Variants in VPS13B observed in about 807,000 individuals in gnomAD.
VPS13B encodes vacuolar protein sorting 13 homolog B, also known as intermembrane lipid transfer protein VPS13B.
Under a neutral mutation model 426.4 loss-of-function variants are expected in VPS13B, and 285 were observed. The ratio of observed to expected loss-of-function variants is 0.67; its 90% CI spans 0.61 to 0.74. VPS13B has a LOEUF of 0.74. Among genes scored for constraint, VPS13B ranks in the 30% least tolerant of loss-of-function variants. VPS13B has a pLI of 0.00. For missense variants in VPS13B, 4,537 were observed against 4,782.6 expected (o/e 0.95, Z 1.51); for synonymous variants, 1,676 against 1,676.4 (o/e 1.00, Z 0.01).
chr8:99,384,309 A>G lies in VPS13B; in HGVS notation c.2926A>G (p.Met976Val), dbSNP rs1813997434. Residue 976 changes from methionine (M) to valine (V), a missense_variant, in exon 20 of 62, where the codon ATG becomes GTG. Around this residue, in one of 2 missense-constraint regions of VPS13B, gnomAD observed 4,311 missense variants for 4,474.3 expected, o/e 0.96. Coordinates refer to ENST00000357162, the MANE Select transcript of VPS13B (RefSeq NM_152564.5). Reference sequence around the variant, plus strand: ...GCCTCAGAAACGAACAAGTAGACATATGCAACAGGTAAGAGATTTTTAAAT... The same window carrying G: ...GCCTCAGAAACGAACAAGTAGACATGTGCAACAGGTAAGAGATTTTTAAAT... The part of the protein sequence containing the change: ...YQPQKRTSRH[M>V]QQQPVVAVPL... The G allele has an allele frequency of 6.2e-7, 1 of 1,612,346 alleles. No homozygotes were observed. The highest frequency in any genetic ancestry group is 8.5e-7 in the Non-Finnish European group (1 of 1,178,664).
intron 12 of VPS13B, among the ~76,000 whole-genome samples, chr8:99,140,389 A>C (rs1302424779): frequency 1.3e-5 from 2 of 151,524 alleles, no homozygotes; most frequent in Non-Finnish European, 2.9e-5. Flanking sequence ...AAAAAAAAAA[A>C]AGGAAGTAAA....
chr8:99,445,496 A>G (rs1817870496), intron 23 of VPS13B, among the ~76,000 whole-genome samples: 2 of 149,288 alleles, frequency 1.3e-5, no homozygotes, highest in Admixed American at 6.7e-5. Flanking sequence ...TATATAATAC[A>G]TGATATATAA....
intron 19 of VPS13B, among the ~76,000 whole-genome samples, chr8:99,339,818 C>G (rs1478967320): frequency 1.3e-5 from 2 of 152,152 alleles, no homozygotes; most frequent in Non-Finnish European, 1.5e-5. Flanking sequence ...CCAATTCTCT[C>G]TATAATACTT....
At position 99,467,581 on chromosome 8, in the gene VPS13B, G is replaced by A. The variant is rs776689013; in HGVS notation, c.3613G>A (p.Val1205Ile). The A allele has an allele frequency of 1.9e-6, 3 of 1,613,726 alleles. No homozygotes were observed. In the South Asian group the frequency reaches 3.3e-5, roughly 18 times the overall value. The change falls in exon 24 of 62, where the codon GTC becomes ATC. Residue 1205 changes from valine (V) to isoleucine (I), a missense_variant. Transcript: ENST00000357162. Reference protein sequence around the residue: ...TGPDTRHSFVVCLHVDLESLE... With the variant: ...TGPDTRHSFVICLHVDLESLE... The stretch of plus-strand genomic sequence containing the variant: ...ACCTGATACACGACATTCATTTGTT[G>A]TCTGTCTCCATGTTGACCTAGAGTC...
intron 16 of VPS13B, among the ~76,000 whole-genome samples, chr8:99,186,429 G>T (rs890720771): frequency 6.6e-6 from 1 of 151,920 alleles, no homozygotes; most frequent in Non-Finnish European, 1.5e-5. Context: ...AATTTTTTGA[G>T]GTGAATATGG....
intron 44 of VPS13B, among the ~76,000 whole-genome samples, chr8:99,813,605 T>C (rs1193711469): frequency 1.3e-5 from 2 of 152,230 alleles, no homozygotes; most frequent in Non-Finnish European, 2.9e-5. Flanking sequence ...ACTTTTATGG[T>C]TTGTTATTGT....
intron 20 of VPS13B, among the ~76,000 whole-genome samples, chr8:99,390,831 A>G (rs762252314): frequency 8.5e-5 from 13 of 152,208 alleles, no homozygotes; most frequent in African/African-American, 1.2e-4. Flanking sequence ...TAATATGACA[A>G]AATTGTATTG....
At chr8:99,848,736 T>C (rs1194998380) in intron 54 of VPS13B, 40 bp from the exon 55 acceptor site, 48 of 1,592,480 alleles carry the variant, frequency 3.0e-5, no homozygotes, top group Non-Finnish European at 4.0e-5. Context: ...ATAGTGTTTC[T>C]TATTTCTTTT....
intron 3 of VPS13B, among the ~76,000 whole-genome samples, chr8:99,071,518 G>A (rs745948968): frequency 1.3e-5 from 2 of 152,156 alleles, no homozygotes; most frequent in African/African-American, 4.8e-5. Context: ...CGTTGGGTCA[G>A]ACCTGAAGCC....
At chr8:99,519,438 C>T (rs1174296512) in intron 29 of VPS13B, among the ~76,000 whole-genome samples, 4 of 152,112 alleles carry the variant, frequency 2.6e-5, no homozygotes, top group South Asian at 2.1e-4. Flanking sequence ...TTGACCCAGC[C>T]GTCCCATTAC....
intron 61 of VPS13B, among the ~76,000 whole-genome samples, chr8:99,872,861 G>A (rs1411188294): frequency 6.6e-6 from 1 of 152,198 alleles, no homozygotes; most frequent in Non-Finnish European, 1.5e-5. Context: ...CTGAGAAGAT[G>A]GAAAGCAGCC....
chr8:99,017,226 A>G (rs1474939225), intron 2 of VPS13B, among the ~76,000 whole-genome samples: 2 of 152,100 alleles, frequency 1.3e-5, no homozygotes. Context: ...CAGTTGATCT[A>G]TACCATTTGT....
chr8:99,675,866 A>G (rs748879763), intron 35 of VPS13B, among the ~76,000 whole-genome samples: 1 of 151,878 alleles, frequency 6.6e-6, no homozygotes, highest in African/African-American at 2.4e-5. Context: ...TGAATTGTTT[A>G]TCTGTTTTCC....
chr8:99,307,109 C>T (rs1404331156), intron 19 of VPS13B, among the ~76,000 whole-genome samples: 2 of 152,040 alleles, frequency 1.3e-5, no homozygotes, highest in Non-Finnish European at 2.9e-5. Flanking sequence ...GTTTGGTTAA[C>T]ATTAAAGAGC....
At position 99,642,220 on chromosome 8, in the gene VPS13B, G is replaced by A; in HGVS notation, c.5630G>A (p.Arg1877Lys). The change falls in exon 34 of 62, where the codon AGG becomes AAG. Residue 1877 changes from arginine (R) to lysine (K), a missense_variant. This residue lies in a region of VPS13B where 4,311 missense variants were observed against 4,474.3 expected (regional missense o/e 0.96). Coordinates refer to ENST00000357162, the MANE Select transcript of VPS13B (RefSeq NM_152564.5). ...ISTVTAEDLL[R>K]SSISFPSGKK... ...ACGGTGACAGCAGAAGATCTCTTAAGGAGCAGCATTTCTTTTCCTTCAGGG... is the reference window on the plus strand; with the variant it reads ...ACGGTGACAGCAGAAGATCTCTTAAAGAGCAGCATTTCTTTTCCTTCAGGG... 6.2e-7 allele frequency: 1 copy of A among 1,614,162 alleles called. No homozygotes were observed. Among genetic ancestry groups the A allele is most frequent in the African/African-American group, 1.3e-5 (1 of 75,050 alleles).
At chr8:99,150,774 C>T (rs966051270) in intron 14 of VPS13B, among the ~76,000 whole-genome samples, 1 of 152,186 alleles carries the variant, frequency 6.6e-6, no homozygotes, top group Non-Finnish European at 1.5e-5. Flanking sequence ...ATTTACTTAT[C>T]CATTCACCTA....
In VPS13B at chr8:99,143,020, G is replaced by A. The variant is rs1200642903; in HGVS notation, c.1698G>A (p.Leu566=). The A allele has an allele frequency of 6.2e-7, 1 of 1,613,574 alleles. No homozygotes were observed. The highest frequency in any genetic ancestry group is 8.5e-7 in the Non-Finnish European group (1 of 1,179,890). Reference sequence around the variant, plus strand: ...TTTCTTCAGGGAAAAGTGAAGATTTGGGAACAGTTCAGGAGAAGTCCACCA... The same window carrying A: ...TTTCTTCAGGGAAAAGTGAAGATTTAGGAACAGTTCAGGAGAAGTCCACCA... ...QDFSSGKSED[L]GTVQEKSTKS... Residue 566 remains leucine (L), a synonymous_variant, in exon 13 of 62, where the codon TTG becomes TTA. Transcript: ENST00000357162.
intron 2 of VPS13B, among the ~76,000 whole-genome samples, chr8:99,032,241 A>T (rs1424729031): frequency 6.6e-6 from 1 of 152,106 alleles, no homozygotes; most frequent in Non-Finnish European, 1.5e-5. Flanking sequence ...TTGTTCTCCC[A>T]TAGACACTAA....
At chr8:99,636,983 A>C (rs978130109) in intron 33 of VPS13B, among the ~76,000 whole-genome samples, 1 of 152,056 alleles carries the variant, frequency 6.6e-6, no homozygotes, top group Non-Finnish European at 1.5e-5. Context: ...ATCTTAAATA[A>C]GTTAGGTAAA....
Sources: allele counts gnomAD v4.1 joint callset (sites outside exome capture counted in the v4.1 genomes callset), GRCh38; gene constraint gnomAD v4.1.1; regional missense constraint gnomAD v4.1.1; transcripts MANE v1.5; gene names NCBI Gene and HGNC (gene_info 2026-07-23, HGNC 2026-07-21).